Variants in ADAMTS3 observed in about 807,000 individuals in gnomAD.
ADAMTS3 encodes ADAM metallopeptidase with thrombospondin type 1 motif 3, also known as A disintegrin and metalloproteinase with thrombospondin motifs 3.
In ADAMTS3, 73 loss-of-function variants were observed where a neutral mutation model predicts 129.0. That is an observed-to-expected ratio of 0.57 (90% confidence interval 0.47 to 0.69). ADAMTS3 has a LOEUF of 0.69. Ranked by LOEUF, ADAMTS3 falls within the 30% of genes least tolerant of loss-of-function variation. The pLI is 0.00. For synonymous variants in ADAMTS3, 477 were observed against 510.8 expected, an observed-to-expected ratio of 0.93 and a Z score of 0.89; for missense variants, 1,457 against 1,514.5, an observed-to-expected ratio of 0.96 and a Z score of 0.63.
intron 18 of ADAMTS3, 107 bp from the exon 19 acceptor site, chr4:72,295,893 T>C (rs1346852724): frequency 2.9e-6 from 4 of 1,375,852 alleles, no homozygotes; most frequent in South Asian, 1.4e-5. Context: ...TCAATAAATA[T>C]GTATTGAGTG....
chr4:72,428,771 A>G (rs1016831537), intron 3 of ADAMTS3, among the ~76,000 whole-genome samples: 1 of 152,024 alleles, frequency 6.6e-6, no homozygotes, highest in Non-Finnish European at 1.5e-5. Flanking sequence ...GTTTTACTAG[A>G]TAATCTCTAA....
intron 3 of ADAMTS3, among the ~76,000 whole-genome samples, chr4:72,430,147 G>A (rs978021648): frequency 1.3e-5 from 2 of 152,018 alleles, no homozygotes; most frequent in African/African-American, 4.8e-5. Context: ...TATCCCACAT[G>A]ATTTTCCAAG....
chr4:72,469,533 T>C (rs1306846217), intron 3 of ADAMTS3, among the ~76,000 whole-genome samples: 1 of 152,090 alleles, frequency 6.6e-6, no homozygotes, highest in Non-Finnish European at 1.5e-5. Flanking sequence ...TCAGTGTCCT[T>C]TCCCCTTATT....
chr4:72,419,796 C>T (rs1722398546), intron 3 of ADAMTS3, among the ~76,000 whole-genome samples: 1 of 151,868 alleles, frequency 6.6e-6, no homozygotes, highest in African/African-American at 2.4e-5. Flanking sequence ...AGAGTTCATG[C>T]AGGGGGGCTC....
chr4:72,490,795 A>T (rs75050008), intron 3 of ADAMTS3, among the ~76,000 whole-genome samples: 1,973 of 151,934 alleles, frequency 0.013, 53 homozygotes, highest in African/African-American at 0.044. Flanking sequence ...TCTTCCTGCT[A>T]AGTTTCTTTG....
chr4:72,358,282 C>T (rs1265567016), intron 4 of ADAMTS3, among the ~76,000 whole-genome samples: 2 of 151,964 alleles, frequency 1.3e-5, no homozygotes, highest in Non-Finnish European at 2.9e-5. Flanking sequence ...AACCAGCTGT[C>T]ATTCCAGCTA....
intron 4 of ADAMTS3, among the ~76,000 whole-genome samples, chr4:72,401,120 C>T (rs1721903310): frequency 6.6e-6 from 1 of 151,748 alleles, no homozygotes; most frequent in South Asian, 2.1e-4. Context: ...CTACATATGA[C>T]CAGTGGCTAC....
At chr4:72,295,901 G>A in intron 18 of ADAMTS3, 115 bp from the exon 19 acceptor site, 5 of 1,288,994 alleles carry the variant, frequency 3.9e-6, no homozygotes, top group South Asian at 1.4e-5. Flanking sequence ...TATGTATTGA[G>A]TGCATACAAA....
chr4:72,387,359 G>A (rs1578635510), intron 4 of ADAMTS3, among the ~76,000 whole-genome samples: 1 of 152,192 alleles, frequency 6.6e-6, no homozygotes, highest in South Asian at 2.1e-4. Flanking sequence ...GAATACAGAT[G>A]TTCTTAAGCT....
intron 3 of ADAMTS3, among the ~76,000 whole-genome samples, chr4:72,542,221 G>C (rs767053717): frequency 6.6e-6 from 1 of 152,164 alleles, no homozygotes; most frequent in African/African-American, 2.4e-5. Context: ...CTGGAGAGCA[G>C]TGGTGCAATC....
chr4:72,466,046 AACTG>A (rs1160555378), intron 3 of ADAMTS3, among the ~76,000 whole-genome samples: 1 of 152,234 alleles, frequency 6.6e-6, no homozygotes, highest in South Asian at 2.1e-4. Context: ...GCAGCATGAG[AACTG>A]ACTAATACAC....
chr4:72,437,505 GTATAGCATGATCA>G lies in ADAMTS3; in HGVS notation c.505-22547_505-22535del, dbSNP rs569390419. Among the ~76,000 whole-genome samples the G allele has an allele frequency of 2.0e-4, 31 of 151,796 alleles. No homozygotes were observed. In the South Asian group the frequency reaches 3.5e-3, roughly 17 times the overall value. The stretch of plus-strand genomic sequence containing the variant: ...TCCTCCTTAGTTGATACTAGGAATT[GTATAGCATGATCA>G]TAGTCCTATTTCTATCACAGTTCAT... On this transcript the variant is annotated intron_variant, in intron 3 of 21. Transcript: ENST00000286657.
chr4:72,404,823 AAAAC>A (rs1722010457), intron 4 of ADAMTS3, among the ~76,000 whole-genome samples: 1 of 41,968 alleles, frequency 2.4e-5, no homozygotes, highest in Admixed American at 4.3e-4. Flanking sequence ...ACAAGCAAAC[AAAAC>A]ACACACACAC....
intron 4 of ADAMTS3, among the ~76,000 whole-genome samples, chr4:72,361,906 T>C (rs534995431): frequency 1.1e-4 from 16 of 152,178 alleles, no homozygotes; most frequent in African/African-American, 3.6e-4. Context: ...TTTTAAAATT[T>C]CTCCTGAGCT....
chr4:72,284,323 T>A (rs1718442346), intron 21 of ADAMTS3, among the ~76,000 whole-genome samples: 1 of 151,894 alleles, frequency 6.6e-6, no homozygotes, highest in Non-Finnish European at 1.5e-5. Flanking sequence ...CAGGCGCCTG[T>A]AGTCCCAGCT....
chr4:72,302,034 G>T (rs1344221641), intron 17 of ADAMTS3, among the ~76,000 whole-genome samples: 1 of 152,026 alleles, frequency 6.6e-6, no homozygotes, highest in African/African-American at 2.4e-5. Context: ...CCACACCATG[G>T]GAAGAAGGAC....
chr4:72,545,338 T>G (rs1721438426), intron 3 of ADAMTS3, among the ~76,000 whole-genome samples: 1 of 152,160 alleles, frequency 6.6e-6, no homozygotes, highest in Non-Finnish European at 1.5e-5. Flanking sequence ...AGGTGGATGA[T>G]GTATCCAATA....
At chr4:72,301,939 ACACCAGGCAGTC>A (rs1718960755) in intron 17 of ADAMTS3, among the ~76,000 whole-genome samples, 1 of 152,084 alleles carries the variant, frequency 6.6e-6, no homozygotes, top group Admixed American at 6.6e-5. Context: ...TCAAGCCAAG[ACACCAGGCAGTC>A]CACAGTGGGA....
At chr4:72,511,838 A>G (rs1179491236) in intron 3 of ADAMTS3, among the ~76,000 whole-genome samples, 1 of 152,240 alleles carries the variant, frequency 6.6e-6, no homozygotes, top group African/African-American at 2.4e-5. Context: ...ACTGTTTACA[A>G]TAACTAATAT....
Sources: gnomAD v4.1 joint callset for allele counts (sites outside exome capture counted in the v4.1 genomes callset) on GRCh38, gnomAD v4.1.1 for gene constraint, MANE v1.5 for transcripts, NCBI Gene and HGNC (gene_info 2026-07-23, HGNC 2026-07-21) for gene names.